ZNF407: variants seen among roughly 807,000 people sequenced by gnomAD.
The protein encoded by ZNF407 is zinc finger protein 407.
ZNF407 carries 17 observed loss-of-function variants against 131.2 expected under a neutral mutation model. The ratio of observed to expected loss-of-function variants is 0.13; its 90% CI spans 0.09 to 0.19. The LOEUF (loss-of-function observed/expected upper bound fraction) is 0.19, where lower values mean the gene tolerates loss of function less well. Ranked by LOEUF, ZNF407 falls within the 10% of genes least tolerant of loss-of-function variation. The pLI, the probability that ZNF407 is intolerant of heterozygous loss-of-function variation, is 1.00. For synonymous variants in ZNF407, 1,156 were observed against 1,062.0 expected (o/e 1.09, Z -1.72); for missense variants, 2,681 against 2,830.6 (o/e 0.95, Z 1.20).
intron 3 of ZNF407, among the ~76,000 whole-genome samples, chr18:74,738,095 C>T (rs1968459124): frequency 6.6e-6 from 1 of 151,998 alleles, no homozygotes; most frequent in African/African-American, 2.4e-5. Flanking sequence ...GTCATATGTG[C>T]ACTGTCTTTT....
intron 4 of ZNF407, among the ~76,000 whole-genome samples, chr18:74,818,344 T>C (rs1478031617): frequency 1.3e-5 from 2 of 152,242 alleles, no homozygotes; most frequent in African/African-American, 4.8e-5. Flanking sequence ...TGTTCTTCTA[T>C]TCTGGACATG....
intron 4 of ZNF407, among the ~76,000 whole-genome samples, chr18:74,803,701 C>A (rs184378906): frequency 3.9e-5 from 6 of 152,142 alleles, no homozygotes; most frequent in East Asian, 3.8e-4. Flanking sequence ...ATTCTGATTG[C>A]GCATGAAAGA....
chr18:74,601,281 T>C (rs554108100), intron 1 of ZNF407, among the ~76,000 whole-genome samples: 90 of 152,082 alleles, frequency 5.9e-4, no homozygotes, highest in African/African-American at 1.8e-3. Context: ...AGCATCTCAC[T>C]GCAGCCTTGG....
chr18:74,637,793 T>C (rs1984526623), intron 2 of ZNF407, among the ~76,000 whole-genome samples: 1 of 152,244 alleles, frequency 6.6e-6, no homozygotes, highest in South Asian at 2.1e-4. Context: ...CCTGTTTTCA[T>C]ATTTTGTGAT....
At chr18:75,012,696 C>T (rs373785596) in intron 8 of ZNF407, among the ~76,000 whole-genome samples, 8 of 122,128 alleles carry the variant, frequency 6.6e-5, no homozygotes, top group Non-Finnish European at 7.2e-5. Flanking sequence ...TTCTTTTTTT[C>T]CCCAACTTTG....
chr18:74,873,273 A>G (rs1292232599), intron 4 of ZNF407, among the ~76,000 whole-genome samples: 2 of 152,218 alleles, frequency 1.3e-5, no homozygotes, highest in Admixed American at 1.3e-4. Context: ...GAGGATATTT[A>G]GTATTCTGTC....
At position 74,842,334 on chromosome 18, in the gene ZNF407, ATTG is replaced by A. The variant is rs1164302360; in HGVS notation, c.4878-34860_4878-34858del. Among the ~76,000 whole-genome samples, 9 of 152,294 alleles carry A rather than the reference ATTG, an allele frequency of 5.9e-5. No homozygotes were observed. The East Asian group carries it at 1.7e-3, about 29-fold the overall frequency. ...AGCCTCTTTGAAACTCCATTATAAC[ATTG>A]TTAAGTGCACTTCTCATATTTGAAG... On this transcript the variant is annotated intron_variant, in intron 4 of 8. Coordinates refer to ENST00000299687, the MANE Select transcript of ZNF407 (RefSeq NM_017757.3).
chr18:75,017,715 A>T (rs574708429), intron 8 of ZNF407, among the ~76,000 whole-genome samples: 1 of 152,174 alleles, frequency 6.6e-6, no homozygotes, highest in African/African-American at 2.4e-5. Flanking sequence ...TTGTGGTCCA[A>T]GTAACTGTTT....
At chr18:74,987,369 T>C (rs1313855615) in intron 8 of ZNF407, among the ~76,000 whole-genome samples, 1 of 152,212 alleles carries the variant, frequency 6.6e-6, no homozygotes, top group African/African-American at 2.4e-5. Context: ...ATTATTATTA[T>C]AGGTCTTACT....
chr18:75,028,656 G>A (rs756026820), intron 8 of ZNF407, among the ~76,000 whole-genome samples: 3 of 152,176 alleles, frequency 2.0e-5, no homozygotes, highest in East Asian at 1.9e-4. Context: ...CGGGAATTCC[G>A]CTAGGTACTG....
At position 74,924,902 on chromosome 18, in the gene ZNF407, C is replaced by T. The variant is rs146443972; in HGVS notation, c.5428+4210C>T. Among the ~76,000 whole-genome samples, 43 of 152,184 alleles carry T rather than the reference C, an allele frequency of 2.8e-4. No homozygotes were observed. The South Asian group carries it at 7.3e-3, about 26-fold the overall frequency. ...TGAAATAGCTCTTATTGCTCATGAACGAATGCTCACTGGAAGACCCACGGG... is the reference window on the plus strand; with the variant it reads ...TGAAATAGCTCTTATTGCTCATGAATGAATGCTCACTGGAAGACCCACGGG... On this transcript the variant is annotated intron_variant, in intron 8 of 8. Coordinates refer to ENST00000299687, the MANE Select transcript of ZNF407 (RefSeq NM_017757.3).
At chr18:74,907,945 A>C (rs190865256) in intron 7 of ZNF407, among the ~76,000 whole-genome samples, 1 of 152,330 alleles carries the variant, frequency 6.6e-6, no homozygotes, top group Admixed American at 6.5e-5. Flanking sequence ...CTTAAGTTTT[A>C]ATTCGCATTT....
chr18:74,996,702 A>G (rs1249496919), intron 8 of ZNF407, among the ~76,000 whole-genome samples: 1 of 152,248 alleles, frequency 6.6e-6, no homozygotes, highest in Non-Finnish European at 1.5e-5. Context: ...AAGGAAAGTA[A>G]TGAGTCCTAT....
chr18:74,789,456 C>T (rs920248046), intron 4 of ZNF407, among the ~76,000 whole-genome samples: 1 of 152,076 alleles, frequency 6.6e-6, no homozygotes, highest in Non-Finnish European at 1.5e-5. Context: ...ATTTCATTGG[C>T]GGAAGGGCAT....
chr18:74,803,880 A>G, intron 4 of ZNF407: 1 of 1,425,964 alleles, frequency 7.0e-7, no homozygotes, highest in Non-Finnish European at 9.6e-7. Context: ...GGAATGACGG[A>G]GCGAAAAATG....
At chr18:74,855,657 C>T (rs1013416846) in intron 4 of ZNF407, among the ~76,000 whole-genome samples, 1 of 152,174 alleles carries the variant, frequency 6.6e-6, no homozygotes, top group Non-Finnish European at 1.5e-5. Flanking sequence ...TACATTTCCA[C>T]CATAAGATTT....
chr18:74,870,876 T>C (rs1971076855), intron 4 of ZNF407, among the ~76,000 whole-genome samples: 1 of 152,214 alleles, frequency 6.6e-6, no homozygotes, highest in Non-Finnish European at 1.5e-5. Flanking sequence ...CATAGAAATA[T>C]GGTGAACAGG....
intron 1 of ZNF407, among the ~76,000 whole-genome samples, chr18:74,615,047 G>A (rs926261136): frequency 1.3e-5 from 2 of 152,188 alleles, no homozygotes; most frequent in African/African-American, 4.8e-5. Context: ...GGGGCCATGA[G>A]CCAGCTGCCT....
chr18:74,877,441 T>A, intron 5 of ZNF407, 78 bp downstream of exon 5: 2 of 1,308,466 alleles, frequency 1.5e-6, no homozygotes, highest in Non-Finnish European at 2.2e-6. Context: ...AGGCATTAAT[T>A]ATCCCATCTT....
Sources: gnomAD v4.1 joint callset for allele counts (sites outside exome capture counted in the v4.1 genomes callset) on GRCh38, gnomAD v4.1.1 for gene constraint, MANE v1.5 for transcripts, NCBI Gene and HGNC (gene_info 2026-07-23, HGNC 2026-07-21) for gene names.